The following ESCO2 variants were observed in gnomAD, a reference collection of about 807,000 sequenced individuals.
ESCO2 encodes the protein establishment of sister chromatid cohesion N-acetyltransferase 2.
A neutral mutation model predicts 61.7 loss-of-function variants in ESCO2; 51 were observed. That is an observed-to-expected ratio of 0.83 (90% confidence interval 0.66 to 1.04). The LOEUF is 1.04. ESCO2 is among the 50% of genes least tolerant of loss of function. The pLI, the probability that ESCO2 is intolerant of heterozygous loss-of-function variation, is 0.00. For missense variants in ESCO2, 692 were observed against 686.2 expected (o/e 1.01, Z -0.09); for synonymous variants, 230 against 238.2 (o/e 0.97, Z 0.32).
intron 4 of ESCO2, among the ~76,000 whole-genome samples, chr8:27,781,342 GT>G (rs1218664886): frequency 6.6e-6 from 1 of 151,848 alleles, no homozygotes; most frequent in African/African-American, 2.4e-5. Context: ...GTTAAAGTTT[GT>G]TTTTTTAGCC....
chr8:27,782,465 C>T (rs1319008437), intron 4 of ESCO2, among the ~76,000 whole-genome samples: 3 of 151,976 alleles, frequency 2.0e-5, no homozygotes, highest in African/African-American at 7.2e-5. Context: ...GGTTTCGCCA[C>T]GTTGGGCAGG....
In ESCO2 at chr8:27,803,508, CTATT is replaced by C. The variant is rs533417099; in HGVS notation, c.*73_*76del. Reference sequence around the variant, plus strand: ...AGAGCTCCTTATTATAAAATACAAACTATTTAATATCAAAATAAAAAATACCGAG... The same window carrying C: ...AGAGCTCCTTATTATAAAATACAAACTAATATCAAAATAAAAAATACCGAG... On this transcript the variant is annotated 3_prime_UTR_variant, in exon 11 of 11. Transcript: ENST00000305188. 1.6e-3 allele frequency: 2,416 copies of C among 1,543,140 alleles called. 39 individuals carry two copies. The African/African-American group carries it at 0.031, about 20-fold the overall frequency.
intron 9 of ESCO2, among the ~76,000 whole-genome samples, chr8:27,794,028 A>G (rs1805240127): frequency 1.3e-5 from 2 of 152,036 alleles, no homozygotes; most frequent in Non-Finnish European, 1.5e-5. Flanking sequence ...TTCACTTAGC[A>G]TGATGTCCTC....
downstream of ESCO2, among the ~76,000 whole-genome samples, chr8:27,813,895 T>C (rs1292290941): frequency 6.6e-6 from 1 of 151,838 alleles, no homozygotes; most frequent in African/African-American, 2.4e-5. Context: ...GTGAAGGATA[T>C]TGGACTATGA....
rs372611248 is a variant in ESCO2 at position 27,777,076 on chromosome 8, G to C, written c.768G>C (p.Ala256=). The C allele has an allele frequency of 1.9e-6, 3 of 1,605,144 alleles. No individual in the cohort carries two copies. The highest frequency in any genetic ancestry group is 2.7e-5 in the African/African-American group (2 of 74,236). Residue 256 remains alanine, a synonymous_variant, in exon 3 of 11, where the codon GCG becomes GCC. Transcript: ENST00000305188. ...CTGTCAGTGAAAAAAAAACTTTTGC[G>C]ACAAGGCAAGTGCCAAAGTGCTTGG... ...VETVSEKKTF[A]TRQVPKCLVL...
chr8:27,818,665 A>ATCTT, the ESCO2 span, among the ~76,000 whole-genome samples: 23,826 of 152,010 alleles, frequency 0.16, 2,335 homozygotes, highest in East Asian at 0.36. Flanking sequence ...GAAATATTAA[A>ATCTT]TATCTTATAC....
chr8:27,772,515 C>A, upstream of ESCO2: 1 of 1,549,986 alleles, frequency 6.5e-7, no homozygotes, highest in Non-Finnish European at 8.7e-7. Flanking sequence ...CCACTCACCG[C>A]TGCTGCTGGT....
chr8:27,795,749 T>A (rs1805281774), intron 9 of ESCO2, among the ~76,000 whole-genome samples: 1 of 152,204 alleles, frequency 6.6e-6, no homozygotes, highest in Non-Finnish European at 1.5e-5. Context: ...TGTATTGAGA[T>A]GATCATATAG....
rs1477108600 is a variant in ESCO2 at position 27,777,147 on chromosome 8, A to C, written c.839A>C (p.Lys280Thr). 1.2e-5 allele frequency: 19 copies of C among 1,600,270 alleles called. No individual in the cohort carries two copies. Among genetic ancestry groups the C allele is most frequent in the Non-Finnish European group, 1.6e-5 (19 of 1,176,892 alleles). Residue 280 changes from lysine (K) to threonine (T), a missense_variant, in exon 3 of 11, where the codon AAA becomes ACA. By Grantham distance (78) the Lys-to-Thr change is moderately conservative (BLOSUM62 -1). Coordinates refer to ENST00000305188, the MANE Select transcript of ESCO2 (RefSeq NM_001017420.3). ...ATTGGACTACTGAGTGCAAGCAGTAAAAATAAAGAGAAATTAATAAAGGTA... is the reference window on the plus strand; with the variant it reads ...ATTGGACTACTGAGTGCAAGCAGTACAAATAAAGAGAAATTAATAAAGGTA... ...LKIGLLSASS[K>T]NKEKLIKDSS...
upstream of ESCO2, chr8:27,772,139 G>A (rs182355686): frequency 2.2e-3 from 712 of 327,804 alleles, 2 homozygotes; most frequent in Non-Finnish European, 3.1e-3. Context: ...AATTACAAGG[G>A]TTCAGCCAGA....
At chr8:27,801,255 T>C (rs928660464) in intron 10 of ESCO2, among the ~76,000 whole-genome samples, 1 of 152,170 alleles carries the variant, frequency 6.6e-6, no homozygotes, top group African/African-American at 2.4e-5. Flanking sequence ...CAACACTTGC[T>C]CTCTCAATTT....
chr8:27,810,226 A>G (rs548632577), downstream of ESCO2: 7 of 962,838 alleles, frequency 7.3e-6, no homozygotes, highest in African/African-American at 6.6e-5. Flanking sequence ...TTAGAGTCTA[A>G]TAACTACTGA....
rs111667783 is a variant in ESCO2, at chr8:27,777,128, C to T, written c.820C>T (p.Leu274=). Residue 274 remains leucine, a synonymous_variant, in exon 3 of 11, where the codon CTA becomes TTA. Coordinates refer to ENST00000305188, the MANE Select transcript of ESCO2 (RefSeq NM_001017420.3). The stretch of plus-strand genomic sequence containing the variant: ...CCTAGAAGAGAAATTGAAAATTGGA[C>T]TACTGAGTGCAAGCAGTAAAAATAA... ...LVLEEKLKIG[L]LSASSKNKEK... The T allele has an allele frequency of 1.3e-6, 2 of 1,595,862 alleles. No individual in the cohort carries two copies. The highest frequency in any genetic ancestry group is 4.5e-5 in the East Asian group (2 of 44,830).
chr8:27,780,207 C>A lies in ESCO2; in HGVS notation c.895C>A (p.His299Asn), dbSNP rs1308393555. The A allele has an allele frequency of 6.2e-7, 1 of 1,611,218 alleles. No individual in the cohort carries two copies. Among genetic ancestry groups the A allele is most frequent in the African/African-American group, 1.3e-5 (1 of 74,652 alleles). Reference sequence around the variant, plus strand: ...AGATGACAGAGTTTCTTCAAAGGAACATAAAGTTGATAAAAATGAGGCTTT... The same window carrying A: ...AGATGACAGAGTTTCTTCAAAGGAAAATAAAGTTGATAAAAATGAGGCTTT... The part of the protein sequence containing the change: ...SSDDRVSSKE[H>N]KVDKNEAFSS... The change falls in exon 4 of 11, where the codon CAT (histidine) becomes AAT (asparagine). Residue 299 changes from histidine to asparagine, a missense_variant. By Grantham distance (68) the His-to-Asn change is moderately conservative. Coordinates refer to ENST00000305188, the MANE Select transcript of ESCO2 (RefSeq NM_001017420.3).
chr8:27,779,621 G>A (rs10503820), intron 3 of ESCO2: 23,409 of 152,684 alleles, frequency 0.15, 2,247 homozygotes, highest in East Asian at 0.35. Context: ...TGCCATCTCT[G>A]TCAGGAAGTA....
At chr8:27,816,007 T>A (rs548783374), downstream of ESCO2, among the ~76,000 whole-genome samples, 7 of 152,192 alleles carry the variant, frequency 4.6e-5, no homozygotes, top group Non-Finnish European at 7.3e-5. Context: ...TAAGCAGACA[T>A]GCTTTAGTTA....
downstream of ESCO2, among the ~76,000 whole-genome samples, chr8:27,815,027 A>C (rs1242489105): frequency 6.6e-6 from 1 of 152,230 alleles, no homozygotes; most frequent in Non-Finnish European, 1.5e-5. Flanking sequence ...CCTCACAAAT[A>C]AGGTTAGAGT....
chr8:27,803,597 T>C lies in ESCO2; in HGVS notation c.*159T>C. On this transcript the variant is annotated 3_prime_UTR_variant, in exon 11 of 11. Coordinates refer to ENST00000305188, the MANE Select transcript of ESCO2 (RefSeq NM_001017420.3). ...ACACACATATCACAGTTTTGTTCCT[T>C]ATGAGTTGAAAAGTCAGGAATAAAT... is the stretch of plus-strand genomic sequence containing the variant. 1 of 1,390,968 alleles carries C rather than the reference T, an allele frequency of 7.2e-7. No homozygotes were observed. Among genetic ancestry groups the C allele is most frequent in the Non-Finnish European group, 9.3e-7 (1 of 1,080,182 alleles). The allele number at this position is 1,390,968 out of a possible 1,614,324, so 86.2% of individuals were successfully genotyped here.
At chr8:27,811,771 C>T (rs148416171), downstream of ESCO2, among the ~76,000 whole-genome samples, 972 of 152,212 alleles carry the variant, frequency 6.4e-3, 8 homozygotes, top group Non-Finnish European at 0.011. Context: ...TCTTCCAAAC[C>T]GCAGTCATAT....
Sources: allele counts gnomAD v4.1 joint callset (sites outside exome capture counted in the v4.1 genomes callset), GRCh38; gene constraint gnomAD v4.1.1; transcripts MANE v1.5; gene names NCBI Gene and HGNC (gene_info 2026-07-23, HGNC 2026-07-21).